AFAP1: variants seen among roughly 807,000 people sequenced by gnomAD.
AFAP1 encodes actin filament-associated protein 1.
Under a neutral mutation model 93.9 loss-of-function variants are expected in AFAP1, and 75 were observed. The ratio of observed to expected loss-of-function variants is 0.80; its 90% CI spans 0.66 to 0.97. The LOEUF (loss-of-function observed/expected upper bound fraction) is 0.97. Ranked by LOEUF, AFAP1 falls within the 50% of genes least tolerant of loss-of-function variation. AFAP1 has a pLI of 0.00. For synonymous variants in AFAP1, 517 were observed against 430.7 expected, an observed-to-expected ratio of 1.20 and a Z score of -2.48; for missense variants, 1,201 against 1,050.8, an observed-to-expected ratio of 1.14 and a Z score of -1.98.
At chr4:7,768,507 G>C (rs955006791) in intron 17 of AFAP1, among the ~76,000 whole-genome samples, 7 of 152,080 alleles carry the variant, frequency 4.6e-5, no homozygotes, top group African/African-American at 1.7e-4. Context: ...GGACTTCAGC[G>C]GTCTCCTGGT....
intron 1 of AFAP1, among the ~76,000 whole-genome samples, chr4:7,897,638 C>T (rs1718865042): frequency 6.6e-6 from 1 of 152,146 alleles, no homozygotes; most frequent in Admixed American, 6.5e-5. Context: ...ATTCTCCTGC[C>T]TCAGCCTCCA....
At chr4:7,859,158 C>T (rs34072304) in intron 3 of AFAP1, among the ~76,000 whole-genome samples, 8 of 152,116 alleles carry the variant, frequency 5.3e-5, no homozygotes, top group African/African-American at 1.7e-4. Context: ...CGGTGGCTCA[C>T]GCCTGTAATC....
At chr4:7,777,206 A>G (rs150203439) in intron 14 of AFAP1, 93 of 152,320 alleles carry the variant, frequency 6.1e-4, no homozygotes, top group African/African-American at 2.1e-3. Context: ...ACACTAAAAG[A>G]GGTGAAAGTA....
At chr4:7,921,181 C>T (rs1019986454) in intron 1 of AFAP1, among the ~76,000 whole-genome samples, 41 of 95,104 alleles carry the variant, frequency 4.3e-4, no homozygotes, top group South Asian at 1.6e-3. Context: ...GAGAGCAAAA[C>T]TTTTTTTTTT....
chr4:7,915,406 GT>G (rs1720034411), intron 1 of AFAP1, among the ~76,000 whole-genome samples: 1 of 151,766 alleles, frequency 6.6e-6, no homozygotes, highest in Non-Finnish European at 1.5e-5. Context: ...GTAAGCCCAG[GT>G]ACTCAGAACG....
At chr4:7,796,974 C>A (rs1454611000) in intron 10 of AFAP1, among the ~76,000 whole-genome samples, 1 of 151,498 alleles carries the variant, frequency 6.6e-6, no homozygotes, top group African/African-American at 2.4e-5. Context: ...GCAGGAGAAT[C>A]GCTTGAACCT....
chr4:7,872,101 G>A, intron 1 of AFAP1, 21 bp from the exon 2 acceptor site: 1 of 1,613,444 alleles, frequency 6.2e-7, no homozygotes, highest in East Asian at 2.2e-5. Flanking sequence ...AAGAGGAAGA[G>A]TATTATTAGA....
chr4:7,808,936 T>A (rs1719767800), intron 9 of AFAP1, among the ~76,000 whole-genome samples: 1 of 152,178 alleles, frequency 6.6e-6, no homozygotes, highest in South Asian at 2.1e-4. Context: ...ACCATACTTG[T>A]ATAGCCTGCA....
At chr4:7,771,893 G>A (rs1484872531) in intron 16 of AFAP1, among the ~76,000 whole-genome samples, 2 of 152,126 alleles carry the variant, frequency 1.3e-5, no homozygotes, top group African/African-American at 4.8e-5. Flanking sequence ...GGAGGAGAAG[G>A]GGAGAGTAAG....
intron 1 of AFAP1, among the ~76,000 whole-genome samples, chr4:7,883,917 G>C (rs1008810991): frequency 7.2e-5 from 11 of 152,172 alleles, no homozygotes; most frequent in African/African-American, 2.4e-4. Flanking sequence ...TCGAGCAATA[G>C]CAATAATACA....
Position 7,816,083 on chromosome 4 carries a change from C to A in AFAP1, c.839G>T (p.Arg280Ile). ...AACACCCTCCCCATCTGAGCTGGGT[C>A]TCTCTGAAGACAGTTTCTGTAAGGA... Reference protein sequence around the residue: ...AELEKKLSSERPSSDGEGVVE... With the variant: ...AELEKKLSSEIPSSDGEGVVE... The change falls in exon 8 of 18, where the codon AGA becomes ATA. Residue 280 changes from arginine (R) to isoleucine (I), a missense_variant. By Grantham distance (97) the Arg-to-Ile change is moderately conservative. Coordinates refer to ENST00000420658, the MANE Select transcript of AFAP1 (RefSeq NM_001134647.2). The A allele has an allele frequency of 1.2e-6, 2 of 1,612,454 alleles. No individual in the cohort carries two copies. Among genetic ancestry groups the A allele is most frequent in the Middle Eastern group, 1.7e-4 (1 of 6,058 alleles).
chr4:7,836,824 C>CAA (rs111804837), intron 6 of AFAP1, among the ~76,000 whole-genome samples: 4,206 of 143,376 alleles, frequency 0.029, 78 homozygotes, highest in Non-Finnish European at 0.048. Context: ...GTGAATATAC[C>CAA]AAAAAAAAAA....
chr4:7,857,029 CT>C (rs1263733440), intron 3 of AFAP1, among the ~76,000 whole-genome samples: 1 of 152,204 alleles, frequency 6.6e-6, no homozygotes, highest in African/African-American at 2.4e-5. Context: ...CCACGTCTGC[CT>C]GCTAAAGACC....
chr4:7,802,219 A>G (rs1282824845), intron 9 of AFAP1, among the ~76,000 whole-genome samples: 3 of 152,212 alleles, frequency 2.0e-5, no homozygotes, highest in Non-Finnish European at 4.4e-5. Context: ...TTCTTCTGGA[A>G]CTAAAACTTT....
intron 8 of AFAP1, among the ~76,000 whole-genome samples, chr4:7,812,076 C>T (rs1226405478): frequency 1.3e-5 from 2 of 152,054 alleles, no homozygotes; most frequent in Admixed American, 6.6e-5. Flanking sequence ...GCGGCTAGGA[C>T]AGCTGTATCA....
intron 5 of AFAP1, among the ~76,000 whole-genome samples, chr4:7,840,533 C>T (rs933676046): frequency 6.6e-6 from 1 of 152,090 alleles, no homozygotes; most frequent in Non-Finnish European, 1.5e-5. Flanking sequence ...AGGCTGGTCT[C>T]GAACTCCTGA....
chr4:7,859,659 T>C (rs1715448904), intron 3 of AFAP1, among the ~76,000 whole-genome samples: 1 of 152,194 alleles, frequency 6.6e-6, no homozygotes, highest in South Asian at 2.1e-4. Flanking sequence ...GAAGATCTTA[T>C]CTACCTTCAG....
In AFAP1 at chr4:7,774,812, C is replaced by G; in HGVS notation, c.1989G>C (p.Glu663Asp). 6.2e-7 allele frequency: 1 copy of G among 1,614,246 alleles called. No homozygotes were observed. Among genetic ancestry groups the G allele is most frequent in the Non-Finnish European group, 8.5e-7 (1 of 1,180,046 alleles). ...GCTGGGCCAGCCTATTCCGCAGGGC[C>G]TCTTTCCTCTTCAGCAGCTCCTCCT... ...TKEEELLKRK[E>D]ALRNRLAQLR... Residue 663 changes from glutamate (E) to aspartate (D), a missense_variant, in exon 15 of 18, where the codon GAG becomes GAC. Physicochemically the swap from Glu to Asp is conservative, Grantham distance 45. Coordinates refer to ENST00000420658, the MANE Select transcript of AFAP1 (RefSeq NM_001134647.2).
At chr4:7,925,373 T>A (rs960888410) in intron 1 of AFAP1, among the ~76,000 whole-genome samples, 3 of 152,172 alleles carry the variant, frequency 2.0e-5, no homozygotes, top group African/African-American at 7.2e-5. Flanking sequence ...GGCCTTGAAG[T>A]CAAACTTCTG....
Sources: gnomAD v4.1 joint callset for allele counts (sites outside exome capture counted in the v4.1 genomes callset) on GRCh38, gnomAD v4.1.1 for gene constraint, MANE v1.5 for transcripts, NCBI Gene and HGNC (gene_info 2026-07-23, HGNC 2026-07-21) for gene names.